Variants in VPS13B observed in about 807,000 individuals in gnomAD.
VPS13B encodes vacuolar protein sorting 13 homolog B.
VPS13B carries 285 observed loss-of-function variants against 426.4 expected under a neutral mutation model. That is an observed-to-expected ratio of 0.67 (90% CI 0.61 to 0.74). The LOEUF (loss-of-function observed/expected upper bound fraction) is 0.74. VPS13B is among the 30% of genes least tolerant of loss of function. The probability of loss-of-function intolerance (pLI) is 0.00; values close to 1 mark genes in which losing one functional copy is unlikely to be tolerated. For missense variants in VPS13B, 4,537 were observed against 4,782.6 expected (o/e 0.95, Z 1.51); for synonymous variants, 1,676 against 1,676.4 (o/e 1.00, Z 0.01).
At chr8:99,119,650 G>A (rs150296869) in intron 7 of VPS13B, among the ~76,000 whole-genome samples, 1,744 of 152,208 alleles carry the variant, frequency 0.011, 20 homozygotes, top group Non-Finnish European at 0.018. Context: ...TTCTTATTAA[G>A]CCTTTTCCTT....
chr8:99,875,330 T>C (rs1439081425), intron 61 of VPS13B, 88 bp from the exon 62 acceptor site: 1 of 1,573,196 alleles, frequency 6.4e-7, no homozygotes, highest in African/African-American at 1.3e-5. Flanking sequence ...AGGCATAATG[T>C]ACAAATATAT....
At chr8:99,754,470 C>G (rs1191213305) in intron 39 of VPS13B, among the ~76,000 whole-genome samples, 2 of 152,088 alleles carry the variant, frequency 1.3e-5, no homozygotes, top group African/African-American at 4.8e-5. Flanking sequence ...TAAAGAGAAA[C>G]CTCCCATTAT....
At chr8:99,685,554 A>C (rs1323635093) in intron 35 of VPS13B, among the ~76,000 whole-genome samples, 1 of 152,128 alleles carries the variant, frequency 6.6e-6, no homozygotes, top group African/African-American at 2.4e-5. Flanking sequence ...CCACCCATTC[A>C]TTCTCATTGT....
chr8:99,767,650 C>T (rs1811294069), intron 40 of VPS13B, among the ~76,000 whole-genome samples: 2 of 152,188 alleles, frequency 1.3e-5, no homozygotes, highest in African/African-American at 2.4e-5. Flanking sequence ...TAGAGCTGGC[C>T]GGGCACAGTG....
At chr8:99,301,632 C>T (rs760633274) in intron 19 of VPS13B, among the ~76,000 whole-genome samples, 64 of 151,766 alleles carry the variant, frequency 4.2e-4, no homozygotes, top group Non-Finnish European at 7.1e-4. Context: ...CTTAATGGAA[C>T]GGGAGCTTAT....
intron 24 of VPS13B, 25 bp downstream of exon 24, chr8:99,467,659 GA>G: frequency 6.3e-7 from 1 of 1,599,270 alleles, no homozygotes; most frequent in Non-Finnish European, 8.5e-7. Flanking sequence ...TTTATGAAAG[GA>G]AATTTAAAGT....
intron 33 of VPS13B, among the ~76,000 whole-genome samples, chr8:99,593,477 A>G (rs1455548602): frequency 2.6e-5 from 4 of 151,812 alleles, no homozygotes; most frequent in East Asian, 3.9e-4. Context: ...TATAAATTCA[A>G]CCATTGTGTG....
chr8:99,496,497 A>G (rs1055213101), intron 25 of VPS13B, among the ~76,000 whole-genome samples: 1 of 152,086 alleles, frequency 6.6e-6, no homozygotes, highest in African/African-American at 2.4e-5. Flanking sequence ...TAAAAATATA[A>G]AAACTTACCC....
chr8:99,669,177 A>G (rs951727826), intron 35 of VPS13B, among the ~76,000 whole-genome samples: 2 of 152,174 alleles, frequency 1.3e-5, no homozygotes, highest in Non-Finnish European at 2.9e-5. Flanking sequence ...AGTGTTTGGT[A>G]TGACATCATA....
chr8:99,597,751 T>A (rs1827089993), intron 33 of VPS13B, among the ~76,000 whole-genome samples: 1 of 152,018 alleles, frequency 6.6e-6, no homozygotes, highest in African/African-American at 2.4e-5. Flanking sequence ...TTAGGTTATG[T>A]GAGCAAAATA....
chr8:99,322,335 G>A (rs890205630), intron 19 of VPS13B, among the ~76,000 whole-genome samples: 1 of 152,042 alleles, frequency 6.6e-6, no homozygotes, highest in Non-Finnish European at 1.5e-5. Context: ...GGCTTTACTA[G>A]ATCACTAATA....
intron 33 of VPS13B, among the ~76,000 whole-genome samples, chr8:99,617,261 A>G (rs1828135093): frequency 6.6e-6 from 1 of 152,208 alleles, no homozygotes; most frequent in Non-Finnish European, 1.5e-5. Flanking sequence ...AAACATATGC[A>G]AATAATATTA....
At chr8:99,559,812 G>T (rs1036984264) in intron 31 of VPS13B, among the ~76,000 whole-genome samples, 126 of 151,976 alleles carry the variant, frequency 8.3e-4, no homozygotes, top group African/African-American at 2.7e-3. Context: ...TACTGTAGCC[G>T]TGTAGTATAG....
intron 33 of VPS13B, among the ~76,000 whole-genome samples, chr8:99,614,849 G>A (rs1828010969): frequency 6.6e-6 from 1 of 152,046 alleles, no homozygotes; most frequent in African/African-American, 2.4e-5. Context: ...CAGATGCGGT[G>A]GCTCACGCCT....
chr8:99,460,890 A>G (rs765421451), intron 23 of VPS13B, among the ~76,000 whole-genome samples: 2 of 152,212 alleles, frequency 1.3e-5, no homozygotes, highest in Non-Finnish European at 2.9e-5. Context: ...CCTCTGTGGT[A>G]GAGATAGAAA....
At chr8:99,805,589 A>G (rs1371638616) in intron 43 of VPS13B, among the ~76,000 whole-genome samples, 2 of 152,148 alleles carry the variant, frequency 1.3e-5, no homozygotes, top group African/African-American at 4.8e-5. Context: ...TTTATTTTGT[A>G]TAGAAAAAAA....
chr8:99,726,173 A>G (rs1404358795), intron 39 of VPS13B, among the ~76,000 whole-genome samples: 3 of 152,252 alleles, frequency 2.0e-5, no homozygotes, highest in Non-Finnish European at 4.4e-5. Flanking sequence ...AATCAAACTA[A>G]TCATAGGTTC....
At chr8:99,550,235 C>T (rs117500593) in intron 30 of VPS13B, among the ~76,000 whole-genome samples, 2,260 of 152,176 alleles carry the variant, frequency 0.015, 23 homozygotes, top group Non-Finnish European at 0.02. Flanking sequence ...ATACCACTTA[C>T]TACTTTACTA....
At chr8:99,499,670 A>G (rs3105176) in intron 25 of VPS13B, among the ~76,000 whole-genome samples, 29,931 of 152,086 alleles carry the variant, frequency 0.2, 3,452 homozygotes, top group East Asian at 0.38. Flanking sequence ...AGGAATTTCT[A>G]TTGTAGCAGA....
Sources: allele counts gnomAD v4.1 joint callset (sites outside exome capture counted in the v4.1 genomes callset), GRCh38; gene constraint gnomAD v4.1.1; transcripts MANE v1.5; gene names NCBI Gene and HGNC (gene_info 2026-07-23, HGNC 2026-07-21).